Variants in CLINT1 observed in about 807,000 individuals in gnomAD.
CLINT1 encodes clathrin interacting protein localized in the trans-Golgi region.
Under a neutral mutation model 70.4 loss-of-function variants are expected in CLINT1, and 15 were observed. That is an observed-to-expected ratio of 0.21 (90% CI 0.14 to 0.33). The LOEUF (loss-of-function observed/expected upper bound fraction) is 0.33. Among genes scored for constraint, CLINT1 ranks in the 10% least tolerant of loss-of-function variants. The probability of loss-of-function intolerance (pLI) is 1.00; values close to 1 mark genes in which losing one functional copy is unlikely to be tolerated. For missense variants in CLINT1, 615 were observed against 778.1 expected, an observed-to-expected ratio of 0.79 and a Z score of 2.49; for synonymous variants, 227 against 254.7, an observed-to-expected ratio of 0.89 and a Z score of 1.04.
chr5:157,800,444 G>A (rs774167326), intron 8 of CLINT1, among the ~76,000 whole-genome samples: 10 of 152,096 alleles, frequency 6.6e-5, no homozygotes, highest in Non-Finnish European at 1.2e-4. Flanking sequence ...TCTCGTGTAA[G>A]TGCTAAAGAT....
chr5:157,824,301 A>G (rs1762964320), intron 1 of CLINT1, among the ~76,000 whole-genome samples: 1 of 152,220 alleles, frequency 6.6e-6, no homozygotes, highest in Admixed American at 6.5e-5. Context: ...TCGTATTTTA[A>G]TATCAAGTTA....
chr5:157,813,293 A>G, intron 4 of CLINT1, 66 bp from the exon 5 acceptor site: 1 of 1,380,340 alleles, frequency 7.2e-7, no homozygotes, highest in Non-Finnish European at 9.6e-7. Context: ...GCTCTTTAAG[A>G]TTAAAAAAAA....
chr5:157,811,503 A>G (rs1014359268), intron 5 of CLINT1, among the ~76,000 whole-genome samples: 2 of 151,160 alleles, frequency 1.3e-5, no homozygotes, highest in African/African-American at 4.9e-5. Context: ...ACTGCACTCC[A>G]GCCTGGATGA....
chr5:157,814,085 T>C, intron 4 of CLINT1, 100 bp downstream of exon 4: 1 of 756,628 alleles, frequency 1.3e-6, no homozygotes, highest in Non-Finnish European at 2.3e-6. Context: ...CCAGCAACAG[T>C]CACATTCTAA....
intron 1 of CLINT1, among the ~76,000 whole-genome samples, chr5:157,837,914 T>C (rs1473192114): frequency 6.6e-6 from 1 of 152,040 alleles, no homozygotes; most frequent in Non-Finnish European, 1.5e-5. Context: ...AGTACTGGGA[T>C]TATAGGCACC....
chr5:157,854,699 A>G (rs950116514), intron 1 of CLINT1, among the ~76,000 whole-genome samples: 2 of 152,242 alleles, frequency 1.3e-5, no homozygotes, highest in Non-Finnish European at 2.9e-5. Flanking sequence ...TTATCTAAAC[A>G]TTTAGGAACT....
intron 9 of CLINT1, among the ~76,000 whole-genome samples, chr5:157,792,853 G>A (rs534574162): frequency 7.5e-4 from 114 of 152,256 alleles, no homozygotes; most frequent in Admixed American, 1.3e-3. Context: ...AGTTGAAAAA[G>A]CAAAATGTGA....
At chr5:157,817,369 G>T in intron 2 of CLINT1, 74 bp downstream of exon 2, 1 of 965,136 alleles carries the variant, frequency 1.0e-6, no homozygotes. Flanking sequence ...GTTTAAATCT[G>T]AAAGCAAATT....
chr5:157,790,584 T>G (rs922670244), intron 10 of CLINT1: 14 of 448,542 alleles, frequency 3.1e-5, no homozygotes, highest in African/African-American at 2.8e-4. Context: ...TTATTTCTGT[T>G]ACATAGAGCA....
chr5:157,816,999 T>C lies in CLINT1; in HGVS notation c.147-169A>G, dbSNP rs571937430. Among the ~76,000 whole-genome samples the C allele has an allele frequency of 3.9e-5, 6 of 152,320 alleles. No individual in the cohort carries two copies. The South Asian group carries it at 1.0e-3, about 26-fold the overall frequency. On this transcript the variant is annotated intron_variant, in intron 2 of 11. Coordinates refer to ENST00000411809, the MANE Select transcript of CLINT1 (RefSeq NM_014666.4). Reference sequence around the variant, plus strand: ...TTGAAAATGTTTTCCCTATGTTTTATACACTACCTGGCACATATGTAAGCC... The same window carrying C: ...TTGAAAATGTTTTCCCTATGTTTTACACACTACCTGGCACATATGTAAGCC...
At chr5:157,799,273 A>G (rs1762147067) in intron 8 of CLINT1, among the ~76,000 whole-genome samples, 1 of 152,054 alleles carries the variant, frequency 6.6e-6, no homozygotes, top group Non-Finnish European at 1.5e-5. Flanking sequence ...GACAACCCCT[A>G]CCCAAATGAT....
intron 1 of CLINT1, among the ~76,000 whole-genome samples, chr5:157,833,926 A>C (rs1002819424): frequency 4.6e-5 from 7 of 152,104 alleles, no homozygotes; most frequent in Non-Finnish European, 2.9e-5. Flanking sequence ...TGGGTGACAG[A>C]GTGAGACCCT....
At chr5:157,805,457 C>T (rs1233932957) in intron 7 of CLINT1, among the ~76,000 whole-genome samples, 1 of 152,204 alleles carries the variant, frequency 6.6e-6, no homozygotes, top group Non-Finnish European at 1.5e-5. Context: ...GGCAACGTTT[C>T]TACATTACAT....
intron 1 of CLINT1, among the ~76,000 whole-genome samples, chr5:157,834,069 C>T (rs1292463669): frequency 4.6e-5 from 7 of 152,178 alleles, no homozygotes; most frequent in African/African-American, 1.7e-4. Flanking sequence ...TGGCCAGGCA[C>T]GGAGGCTCAT....
At chr5:157,796,093 A>G (rs188017703) in intron 8 of CLINT1, 83 of 152,346 alleles carry the variant, frequency 5.4e-4, no homozygotes, top group African/African-American at 1.9e-3. Flanking sequence ...AAATATCAAT[A>G]CAATAGTTTT....
chr5:157,853,576 A>G (rs551804050), intron 1 of CLINT1, among the ~76,000 whole-genome samples: 3 of 152,066 alleles, frequency 2.0e-5, no homozygotes, highest in South Asian at 4.2e-4. Flanking sequence ...CAAGAGTTCA[A>G]GACCAGCCTG....
chr5:157,815,299 AAAAC>A (rs939517528), intron 3 of CLINT1, among the ~76,000 whole-genome samples: 1 of 152,128 alleles, frequency 6.6e-6, no homozygotes, highest in East Asian at 1.9e-4. Flanking sequence ...GACTGTCTTA[AAAAC>A]AAACAAACAA....
In CLINT1 at chr5:157,843,192, T is replaced by G. The variant is rs1438651482; in HGVS notation, c.41+15738A>C. Among the ~76,000 whole-genome samples, 3 of 152,200 alleles carry G rather than the reference T, an allele frequency of 2.0e-5. No homozygotes were observed. The East Asian group carries it at 5.8e-4, about 29-fold the overall frequency. Reference sequence around the variant, plus strand: ...TATAAAAATTTATTTCCCAACTTAATTCCTATTAATTGGAACCTAAAAATG... The same window carrying G: ...TATAAAAATTTATTTCCCAACTTAAGTCCTATTAATTGGAACCTAAAAATG... On this transcript the variant is annotated intron_variant, in intron 1 of 11. Coordinates refer to ENST00000411809, the MANE Select transcript of CLINT1 (RefSeq NM_014666.4).
In CLINT1 at chr5:157,791,846, G is replaced by C; in HGVS notation, c.1237C>G (p.Pro413Ala). 1.9e-6 allele frequency: 3 copies of C among 1,613,968 alleles called. No individual in the cohort carries two copies. The highest frequency in any genetic ancestry group is 1.1e-5 in the South Asian group (1 of 91,082). The change falls in exon 10 of 12, where the codon CCA (proline) becomes GCA (alanine). Residue 413 changes from proline (P) to alanine (A), a missense_variant. Coordinates refer to ENST00000411809, the MANE Select transcript of CLINT1 (RefSeq NM_014666.4). ...GAAGAATTTGAGGCAGCAGGAGGTG[G>C]GCCTAGAGCTGATTGTGAGCCACTA... Reference protein sequence around the residue: ...LVSGSQSALGPPPAASNSSDL... With the variant: ...LVSGSQSALGAPPAASNSSDL...
Sources: allele counts gnomAD v4.1 joint callset (sites outside exome capture counted in the v4.1 genomes callset), GRCh38; gene constraint gnomAD v4.1.1; transcripts MANE v1.5; gene names NCBI Gene and HGNC (gene_info 2026-07-23, HGNC 2026-07-21).